The following DPYS variants were observed in gnomAD, a reference collection of about 807,000 sequenced individuals.
DPYS encodes the protein dihydropyrimidine amidohydrolase.
DPYS carries 39 observed loss-of-function variants against 50.3 expected under a neutral mutation model. That is an observed-to-expected ratio of 0.78 (90% CI 0.60 to 1.01). DPYS has a LOEUF of 1.01. Ranked by LOEUF, DPYS falls within the 50% of genes least tolerant of loss-of-function variation. The probability of loss-of-function intolerance (pLI) is 0.00; values close to 1 mark genes in which losing one functional copy is unlikely to be tolerated. For missense variants in DPYS, 659 were observed against 680.9 expected, an observed-to-expected ratio of 0.97 and a Z score of 0.36; for synonymous variants, 245 against 250.7, an observed-to-expected ratio of 0.98 and a Z score of 0.22.
At chr8:104,444,922 AG>A (rs1052605442) in intron 3 of DPYS, among the ~76,000 whole-genome samples, 3 of 152,224 alleles carry the variant, frequency 2.0e-5, no homozygotes, top group African/African-American at 4.8e-5. Flanking sequence ...CAGGAAAAAA[AG>A]TTAATAATCT....
chr8:104,396,754 T>C lies in DPYS; in HGVS notation c.1236-3763A>G, dbSNP rs139600620. 1.8e-3 allele frequency among the ~76,000 whole-genome samples: 277 copies of C among 152,036 alleles called. 1 individual carries two copies. The highest frequency in any genetic ancestry group is 6.5e-3 in the African/African-American group (268 of 41,452). ...TCAGTGTTCTTGTTATACTGTTTCC[T>C]TGATGTAAGTTGTGATCTTAAAATG... On this transcript the variant is annotated intron_variant, in intron 7 of 9. Transcript: ENST00000351513.
At chr8:104,451,432 T>C (rs1564111690) in intron 1 of DPYS, 28 bp from the exon 2 acceptor site, 3 of 1,613,616 alleles carry the variant, frequency 1.9e-6, no homozygotes, top group Non-Finnish European at 2.5e-6. Flanking sequence ...TTTCAACAAA[T>C]TAGCTATCAA....
At chr8:104,451,671 AGAGT>A (rs1813748896) in intron 1 of DPYS, among the ~76,000 whole-genome samples, 1 of 152,254 alleles carries the variant, frequency 6.6e-6, no homozygotes, top group African/African-American at 2.4e-5. Flanking sequence ...CAAAGAAAAC[AGAGT>A]GAGGATTGTA....
At position 104,381,852 on chromosome 8, in the gene DPYS, T is replaced by TCACACA. The variant is rs59581374; in HGVS notation, c.1444-544_1444-539dup. 4.5e-3 allele frequency among the ~76,000 whole-genome samples: 556 copies of TCACACA among 123,946 alleles called. 5 individuals carry two copies. Among genetic ancestry groups the TCACACA allele is most frequent in the African/African-American group, 9.1e-3 (262 of 28,782 alleles). The allele number at this position is 123,946 out of a possible 152,430, so 81.3% of individuals were successfully genotyped here. ...TCAGTGCTTGAGCAGAGTTTTGAAATCACACACACACACACACACACACAC... is the reference window on the plus strand; with the variant it reads ...TCAGTGCTTGAGCAGAGTTTTGAAATCACACACACACACACACACACACACACACAC... On this transcript the variant is annotated intron_variant, in intron 8 of 9. Coordinates refer to ENST00000351513, the MANE Select transcript of DPYS (RefSeq NM_001385.3).
At chr8:104,455,223 T>C (rs950014117) in intron 1 of DPYS, among the ~76,000 whole-genome samples, 1 of 152,178 alleles carries the variant, frequency 6.6e-6, no homozygotes, top group African/African-American at 2.4e-5. Context: ...AGGGTTGGAA[T>C]CTGAGTCATC....
At chr8:104,416,011 C>T (rs1812356076) in intron 7 of DPYS, among the ~76,000 whole-genome samples, 1 of 152,106 alleles carries the variant, frequency 6.6e-6, no homozygotes, top group African/African-American at 2.4e-5. Flanking sequence ...TATGATGCTA[C>T]CTTAAAACTC....
At chr8:104,449,844 A>G (rs1242067406) in intron 2 of DPYS, among the ~76,000 whole-genome samples, 7 of 152,186 alleles carry the variant, frequency 4.6e-5, no homozygotes, top group Non-Finnish European at 1.0e-4. Context: ...CCCTGCTGAC[A>G]CCTAAATCTC....
At chr8:104,433,312 C>G (rs933527340) in intron 4 of DPYS, among the ~76,000 whole-genome samples, 1 of 152,070 alleles carries the variant, frequency 6.6e-6, no homozygotes, top group Non-Finnish European at 1.5e-5. Context: ...GATAGCCACA[C>G]GATTCTATTT....
At chr8:104,410,727 C>G (rs1014081297) in intron 7 of DPYS, among the ~76,000 whole-genome samples, 1 of 152,206 alleles carries the variant, frequency 6.6e-6, no homozygotes, top group Non-Finnish European at 1.5e-5. Context: ...ATAAAATCTG[C>G]TATACTTCAC....
chr8:104,464,909 A>C, intron 1 of DPYS, among the ~76,000 whole-genome samples: 1 of 152,246 alleles, frequency 6.6e-6, no homozygotes, highest in East Asian at 1.9e-4. Context: ...TTTTAGCAAA[A>C]GGGAAAAATG....
intron 7 of DPYS, among the ~76,000 whole-genome samples, chr8:104,397,562 G>A (rs944184003): frequency 6.6e-6 from 1 of 152,218 alleles, no homozygotes; most frequent in East Asian, 1.9e-4. Flanking sequence ...TGCTGTACAG[G>A]TTGATTAGTA....
At chr8:104,462,149 TAAA>T (rs1169468169) in intron 1 of DPYS, among the ~76,000 whole-genome samples, 1 of 152,226 alleles carries the variant, frequency 6.6e-6, no homozygotes, top group African/African-American at 2.4e-5. Context: ...TTTTATAACT[TAAA>T]AAACTCTTTT....
rs868283389 is a variant in DPYS at position 104,466,754 on chromosome 8, C to T, written c.167G>A (p.Gly56Asp). 2.0e-6 allele frequency: 3 copies of T among 1,535,146 alleles called. No individual in the cohort carries two copies. Residue 56 changes from glycine (G) to aspartate (D), a missense_variant, in exon 1 of 10, where the codon GGC (glycine) becomes GAC (aspartate). Physicochemically the swap from Gly to Asp is moderately conservative, Grantham distance 94. Transcript: ENST00000351513. ...GATGCCTCCGGGCAGGACGAGCTTG[C>T]CGGCGGCGTCGAGGACCCGCAGCCC... Reference protein sequence around the residue: ...PAGLRVLDAAGKLVLPGGIDT... With the variant: ...PAGLRVLDAADKLVLPGGIDT...
intron 4 of DPYS, among the ~76,000 whole-genome samples, chr8:104,439,845 C>T (rs137891278): frequency 3.2e-4 from 49 of 152,316 alleles, no homozygotes; most frequent in African/African-American, 1.1e-3. Flanking sequence ...GTTTTCCCAA[C>T]TTCAGATCAA....
chr8:104,429,556 A>T lies in DPYS; in HGVS notation c.939T>A (p.Asn313Lys), dbSNP rs1812876602. The change falls in exon 5 of 10, where the codon AAT becomes AAA. Residue 313 changes from asparagine to lysine, a missense_variant. Asn to Lys is a moderately conservative substitution (Grantham distance 94). Coordinates refer to ENST00000351513, the MANE Select transcript of DPYS (RefSeq NM_001385.3). ...PDPSTPDFLM[N>K]LLANDDLTTT... ...TGCAAAATGATTACTTAGCCAACAG[A>T]TTCATGAGGAAGTCGGGTGTTGAGG... 6.2e-7 allele frequency: 1 copy of T among 1,613,936 alleles called. No individual in the cohort carries two copies. The highest frequency in any genetic ancestry group is 1.1e-5 in the South Asian group (1 of 91,082).
chr8:104,385,867 C>G (rs996100553), intron 8 of DPYS, among the ~76,000 whole-genome samples: 1 of 152,220 alleles, frequency 6.6e-6, no homozygotes, highest in Non-Finnish European at 1.5e-5. Context: ...TAGATGCCAG[C>G]GCCTCGTTCT....
At chr8:104,394,002 T>C (rs188352383) in intron 7 of DPYS, among the ~76,000 whole-genome samples, 1 of 152,254 alleles carries the variant, frequency 6.6e-6, no homozygotes, top group Non-Finnish European at 1.5e-5. Flanking sequence ...GTGCTATTCT[T>C]ATGCCTTTGC....
rs559102906 is a variant in DPYS, at chr8:104,399,019, G to C, written c.1236-6028C>G. Among the ~76,000 whole-genome samples the C allele has an allele frequency of 8.1e-4, 124 of 152,218 alleles. 2 individuals are homozygous for C. Among genetic ancestry groups the C allele is most frequent in the African/African-American group, 2.7e-3 (114 of 41,538 alleles). On this transcript the variant is annotated intron_variant, in intron 7 of 9. Coordinates refer to ENST00000351513, the MANE Select transcript of DPYS (RefSeq NM_001385.3). ...GAAAGCAAGAAAACAGGCCAGGCAT[G>C]GTGGCTCACGCCTGTAATCCCAGCA...
intron 4 of DPYS, among the ~76,000 whole-genome samples, chr8:104,430,995 A>G (rs1477182240): frequency 6.6e-6 from 1 of 152,130 alleles, no homozygotes; most frequent in Admixed American, 6.5e-5. Context: ...GTAATGTACT[A>G]TCTACTGGAG....
Sources: gnomAD v4.1 joint callset for allele counts (sites outside exome capture counted in the v4.1 genomes callset) on GRCh38, gnomAD v4.1.1 for gene constraint, MANE v1.5 for transcripts, NCBI Gene and HGNC (gene_info 2026-07-23, HGNC 2026-07-21) for gene names.